The following TUNAR variants were observed in gnomAD, a reference collection of about 807,000 sequenced individuals.
The protein encoded by TUNAR is transmembrane neural differentiation associated intracellular calcium regulator.
chr14:95,919,256 A>C (rs1407114197), intron 2 of TUNAR, among the ~76,000 whole-genome samples: 1 of 152,256 alleles, frequency 6.6e-6, no homozygotes. Context: ...CACTAATGTC[A>C]AACGTATGCG....
chr14:95,884,121 G>A (rs966389765), intron 2 of TUNAR, among the ~76,000 whole-genome samples: 4 of 152,050 alleles, frequency 2.6e-5, no homozygotes, highest in Middle Eastern at 3.2e-3. Flanking sequence ...CACGCTTCCC[G>A]CTCCTCCTCC....
intron 2 of TUNAR, among the ~76,000 whole-genome samples, chr14:95,913,142 CTTT>C (rs58500125): frequency 7.3e-6 from 1 of 136,466 alleles, no homozygotes; most frequent in Non-Finnish European, 1.6e-5. Context: ...ATTTTCTTTC[CTTT>C]TTTTTTTTTT....
At chr14:95,916,411 C>T (rs535348708) in intron 2 of TUNAR, among the ~76,000 whole-genome samples, 130 of 152,178 alleles carry the variant, frequency 8.5e-4, no homozygotes, top group Non-Finnish European at 1.6e-3. Flanking sequence ...CTTTTGCACT[C>T]GATATTGTAT....
chr14:95,920,617 C>G (rs1889681794), intron 2 of TUNAR, among the ~76,000 whole-genome samples: 1 of 152,180 alleles, frequency 6.6e-6, no homozygotes, highest in Admixed American at 6.5e-5. Flanking sequence ...ATGTGCTTGC[C>G]TCTCGTTCAT....
At chr14:95,922,338 G>T (rs979937414) in intron 2 of TUNAR, among the ~76,000 whole-genome samples, 4 of 152,168 alleles carry the variant, frequency 2.6e-5, no homozygotes, top group Non-Finnish European at 4.4e-5. Flanking sequence ...AGCATGGTAG[G>T]ACTGTGATGC....
At chr14:95,908,455 C>A (rs972641578) in intron 2 of TUNAR, among the ~76,000 whole-genome samples, 1 of 152,210 alleles carries the variant, frequency 6.6e-6, no homozygotes, top group Admixed American at 6.5e-5. Context: ...CCCATCTGTC[C>A]TCTTAGCATC....
intron 2 of TUNAR, among the ~76,000 whole-genome samples, chr14:95,920,414 C>T (rs1889677148): frequency 6.6e-6 from 1 of 151,846 alleles, no homozygotes; most frequent in Non-Finnish European, 1.5e-5. Flanking sequence ...TAAAAGTATA[C>T]GAGGGGAGAA....
intron 2 of TUNAR, among the ~76,000 whole-genome samples, chr14:95,907,444 A>C (rs935685972): frequency 7.9e-5 from 12 of 152,230 alleles, no homozygotes; most frequent in Non-Finnish European, 1.6e-4. Flanking sequence ...AACGGTAAGC[A>C]TAAGGGGCAA....
intron 2 of TUNAR, among the ~76,000 whole-genome samples, chr14:95,884,349 A>G (rs1257667253): frequency 6.6e-6 from 1 of 151,524 alleles, no homozygotes; most frequent in African/African-American, 2.4e-5. Flanking sequence ...CCTAGAACCC[A>G]CCCAGCTGCC....
chr14:95,891,727 A>G (rs1889183493), intron 2 of TUNAR, among the ~76,000 whole-genome samples: 1 of 152,238 alleles, frequency 6.6e-6, no homozygotes, highest in South Asian at 2.1e-4. Context: ...TGCCATAACA[A>G]TACCAAAAGC....
At chr14:95,923,528 T>A in exon 3 of TUNAR, 1 of 152,234 alleles carries the variant, frequency 6.6e-6, no homozygotes, top group East Asian at 1.9e-4. Flanking sequence ...ATGTCAAGGT[T>A]TATAAATATA....
intron 2 of TUNAR, among the ~76,000 whole-genome samples, chr14:95,879,854 A>T (rs1283724700): frequency 6.6e-6 from 1 of 152,184 alleles, no homozygotes; most frequent in African/African-American, 2.4e-5. Flanking sequence ...GTGATGAGAC[A>T]TTTCCCTTGT....
chr14:95,902,327 C>T (rs141529495), intron 2 of TUNAR, among the ~76,000 whole-genome samples: 1 of 152,204 alleles, frequency 6.6e-6, no homozygotes, highest in Non-Finnish European at 1.5e-5. Flanking sequence ...TATTTCCAGG[C>T]TGGACGCAAA....
intron 2 of TUNAR, among the ~76,000 whole-genome samples, chr14:95,912,437 A>G (rs547944225): frequency 6.6e-6 from 1 of 152,344 alleles, no homozygotes; most frequent in African/African-American, 2.4e-5. Flanking sequence ...ATGCAGAAAA[A>G]TGGAATTTTC....
At chr14:95,924,409 G>A (rs1416083035) in exon 3 of TUNAR, 3 of 152,254 alleles carry the variant, frequency 2.0e-5, no homozygotes, top group African/African-American at 7.2e-5. Flanking sequence ...TCCCTGAAAT[G>A]GGCCCTTGCC....
intron 2 of TUNAR, among the ~76,000 whole-genome samples, chr14:95,889,446 C>A (rs555368212): frequency 6.6e-6 from 1 of 151,630 alleles, no homozygotes; most frequent in South Asian, 2.1e-4. Flanking sequence ...CACCTCCACC[C>A]CTCACCCCCT....
intron 2 of TUNAR, among the ~76,000 whole-genome samples, chr14:95,891,989 C>T (rs1333184765): frequency 6.6e-6 from 1 of 152,234 alleles, no homozygotes; most frequent in Non-Finnish European, 1.5e-5. Flanking sequence ...CTCTATTTTC[C>T]TCTTATGAAG....
chr14:95,888,938 G>A (rs943075728), intron 2 of TUNAR, among the ~76,000 whole-genome samples: 13 of 152,272 alleles, frequency 8.5e-5, no homozygotes, highest in African/African-American at 2.2e-4. Flanking sequence ...GTGGGGTGTC[G>A]GATCCCGAGC....
chr14:95,882,430 C>G (rs542715050), intron 2 of TUNAR, among the ~76,000 whole-genome samples: 3 of 152,158 alleles, frequency 2.0e-5, no homozygotes, highest in African/African-American at 7.2e-5. Flanking sequence ...TTTCCAGCAA[C>G]GAGAAGCACA....
Sources: gnomAD v4.1 joint callset for allele counts (sites outside exome capture counted in the v4.1 genomes callset) on GRCh38, gnomAD v4.1.1 for gene constraint, MANE v1.5 for transcripts, NCBI Gene and HGNC (gene_info 2026-07-23, HGNC 2026-07-21) for gene names.